ATP2C1: variants seen among roughly 807,000 people sequenced by gnomAD.
ATP2C1 encodes ATPase secretory pathway Ca2+ transporting 1, also known as calcium-transporting ATPase type 2C member 1.
ATP2C1 carries 31 observed loss-of-function variants against 120.5 expected under a neutral mutation model. The observed-to-expected ratio is 0.26, with a 90% CI of 0.19 to 0.35. The LOEUF is 0.35. Among genes scored for constraint, ATP2C1 ranks in the 10% least tolerant of loss-of-function variants. The pLI is 1.00. For missense variants in ATP2C1, 731 were observed against 1,107.5 expected, an observed-to-expected ratio of 0.66 and a Z score of 4.83; for synonymous variants, 351 against 358.7, an observed-to-expected ratio of 0.98 and a Z score of 0.24.
chr3:130,968,126 T>G (rs984017479), intron 16 of ATP2C1, among the ~76,000 whole-genome samples: 1 of 152,208 alleles, frequency 6.6e-6, no homozygotes, highest in Non-Finnish European at 1.5e-5. Context: ...CAGGTTATTA[T>G]AACATATTTA....
At chr3:130,985,789 G>A (rs543317068) in intron 20 of ATP2C1, among the ~76,000 whole-genome samples, 20 of 152,240 alleles carry the variant, frequency 1.3e-4, no homozygotes, top group African/African-American at 4.8e-4. Context: ...TGACTTTCAC[G>A]ATCATTAACT....
At chr3:130,970,420 C>G (rs1248914349) in intron 17 of ATP2C1, among the ~76,000 whole-genome samples, 1 of 138,594 alleles carries the variant, frequency 7.2e-6, no homozygotes, top group African/African-American at 2.7e-5. Context: ...TTAAACTTTC[C>G]TTCACTCTTT....
At chr3:130,851,980 A>G (rs914132795) in intron 1 of ATP2C1, among the ~76,000 whole-genome samples, 1 of 152,240 alleles carries the variant, frequency 6.6e-6, no homozygotes, top group African/African-American at 2.4e-5. Flanking sequence ...AAGGCAATGC[A>G]TAATTTGGAA....
intron 2 of ATP2C1, among the ~76,000 whole-genome samples, chr3:130,921,968 C>G (rs750442181): frequency 6.6e-6 from 1 of 152,118 alleles, no homozygotes; most frequent in Non-Finnish European, 1.5e-5. Context: ...TAGGGTGATA[C>G]TGGCTTCATA....
At chr3:130,915,021 C>G (rs2058617873) in intron 2 of ATP2C1, among the ~76,000 whole-genome samples, 1 of 151,816 alleles carries the variant, frequency 6.6e-6, no homozygotes, top group African/African-American at 2.4e-5. Context: ...AGGGTTCCTT[C>G]CTACCTCTTA....
chr3:130,943,390 T>A (rs1055202040), intron 8 of ATP2C1, among the ~76,000 whole-genome samples: 1 of 152,104 alleles, frequency 6.6e-6, no homozygotes, highest in Non-Finnish European at 1.5e-5. Flanking sequence ...AATTTTTTAG[T>A]ATTTTTAGTA....
chr3:130,898,927 A>G (rs2069888958), intron 2 of ATP2C1, among the ~76,000 whole-genome samples: 1 of 152,194 alleles, frequency 6.6e-6, no homozygotes, highest in Non-Finnish European at 1.5e-5. Context: ...ATCTTAAAAT[A>G]TCTTAAGGAT....
Position 130,979,354 on chromosome 3 carries a change from T to G in ATP2C1, c.1676T>G (p.Leu559Arg). ...GGTGTGAAAGAAGCTGTTACAACAC[T>G]CATTGCCTCAGGAGTATCAATAAAA... ...RTGVKEAVTT[L>R]IASGVSIKMI... Residue 559 changes from leucine (L) to arginine (R), a missense_variant, in exon 19 of 28, where the codon CTC becomes CGC. This residue lies in a region of ATP2C1 where 571 missense variants were observed against 845.9 expected (regional missense o/e 0.67). Transcript: ENST00000510168. 6 of 1,613,746 alleles carry G rather than the reference T, an allele frequency of 3.7e-6. No individual in the cohort carries two copies. The highest frequency in any genetic ancestry group is 5.1e-6 in the Non-Finnish European group (6 of 1,179,748).
intron 20 of ATP2C1, among the ~76,000 whole-genome samples, chr3:130,989,826 C>G (rs2062231188): frequency 1.3e-5 from 2 of 152,202 alleles, no homozygotes; most frequent in African/African-American, 2.4e-5. Flanking sequence ...TATTTCAGTG[C>G]TGTGTGCTAC....
intron 2 of ATP2C1, chr3:130,919,218 C>A (rs1369159573): frequency 1.8e-5 from 3 of 167,996 alleles, no homozygotes; most frequent in East Asian, 1.7e-4. Context: ...TTTAGAATTT[C>A]TTTCTTTCTT....
intron 26 of ATP2C1, among the ~76,000 whole-genome samples, chr3:131,012,684 T>C (rs1047345614): frequency 2.6e-4 from 40 of 152,112 alleles, no homozygotes; most frequent in African/African-American, 8.9e-4. Context: ...TTGGAGATGG[T>C]TGTTAGTAAG....
chr3:130,950,633 T>C (rs139211087), intron 8 of ATP2C1, among the ~76,000 whole-genome samples: 291 of 152,296 alleles, frequency 1.9e-3, no homozygotes, highest in African/African-American at 6.8e-3. Context: ...ATAGTTGAAA[T>C]CTTTGCAGAT....
At chr3:131,009,189 C>T (rs528694388) in intron 26 of ATP2C1, among the ~76,000 whole-genome samples, 1 of 152,166 alleles carries the variant, frequency 6.6e-6, no homozygotes, top group Non-Finnish European at 1.5e-5. Context: ...GAGAAGACAA[C>T]ATTTAGTAAT....
At position 131,001,741 on chromosome 3, in the gene ATP2C1, T is replaced by C; in HGVS notation, c.*391T>C. Reference sequence around the variant, plus strand: ...ACTATTTATGGTGGTGGGGCTTTCTTACTAATACACAAATAAATTTAATCA... The same window carrying C: ...ACTATTTATGGTGGTGGGGCTTTCTCACTAATACACAAATAAATTTAATCA... On this transcript the variant is annotated 3_prime_UTR_variant, in exon 28 of 28. Coordinates refer to ENST00000510168, the MANE Select transcript of ATP2C1 (RefSeq NM_001378687.1). 8 of 978,048 alleles carry C rather than the reference T, an allele frequency of 8.2e-6. No homozygotes were observed. The highest frequency in any genetic ancestry group is 9.7e-6 in the Non-Finnish European group (8 of 822,762). 60.6% of individuals were successfully genotyped at this position (978,048 alleles called of 1,614,324 possible).
upstream of ATP2C1, among the ~76,000 whole-genome samples, chr3:130,890,452 A>G (rs1450159416): frequency 6.6e-6 from 1 of 152,272 alleles, no homozygotes; most frequent in Non-Finnish European, 1.5e-5. Context: ...AGACTATGTC[A>G]TACTTGAAAT....
At chr3:130,947,264 T>C (rs752450457) in intron 8 of ATP2C1, among the ~76,000 whole-genome samples, 2 of 152,036 alleles carry the variant, frequency 1.3e-5, no homozygotes, top group Non-Finnish European at 2.9e-5. Context: ...AAAAAAAAAT[T>C]ATTAAAACAG....
Position 130,953,981 on chromosome 3 carries a change from A to AT in ATP2C1, c.687+12dup, listed in dbSNP as rs752208146. On this transcript the variant is annotated splice_donor_region_variant and intron_variant, in intron 9 of 27. Coordinates refer to ENST00000510168, the MANE Select transcript of ATP2C1 (RefSeq NM_001378687.1). ...GTCAGATGTGGCAAAGCAAAGGTAA[A>AT]TTTTTTTCCTGATTTGAAAAAAGCA... 4.3e-6 allele frequency: 7 copies of AT among 1,613,770 alleles called. No homozygotes were observed. Among genetic ancestry groups the AT allele is most frequent in the Non-Finnish European group, 5.9e-6 (7 of 1,179,836 alleles).
intron 20 of ATP2C1, among the ~76,000 whole-genome samples, chr3:130,987,353 C>G (rs1476322357): frequency 1.3e-5 from 2 of 151,920 alleles, no homozygotes; most frequent in African/African-American, 4.8e-5. Flanking sequence ...GCTTTGTTGA[C>G]TAGGCTAGAG....
chr3:130,853,175 A>G (rs2067730053), intron 1 of ATP2C1, among the ~76,000 whole-genome samples: 1 of 152,212 alleles, frequency 6.6e-6, no homozygotes, highest in Admixed American at 6.5e-5. Context: ...GCCGTAAGTA[A>G]AAATAATTAA....
Sources: allele counts gnomAD v4.1 joint callset (sites outside exome capture counted in the v4.1 genomes callset), GRCh38; gene constraint gnomAD v4.1.1; regional missense constraint gnomAD v4.1.1; transcripts MANE v1.5; gene names NCBI Gene and HGNC (gene_info 2026-07-23, HGNC 2026-07-21).